Variants in PBRM1 observed in about 807,000 individuals in gnomAD.
PBRM1 encodes protein polybromo-1.
In PBRM1, 27 loss-of-function variants were observed where a neutral mutation model predicts 194.5. That is an observed-to-expected ratio of 0.14 (90% CI 0.10 to 0.19). PBRM1 has a LOEUF of 0.19. Among genes scored for constraint, PBRM1 ranks in the 10% least tolerant of loss-of-function variants. The pLI is 1.00. For synonymous variants in PBRM1, 655 were observed against 693.2 expected (o/e 0.94, Z 0.87); for missense variants, 1,466 against 2,077.2 (o/e 0.71, Z 5.72).
At chr3:52,602,257 G>T (rs1024376091) in intron 17 of PBRM1, among the ~76,000 whole-genome samples, 6 of 151,950 alleles carry the variant, frequency 3.9e-5, no homozygotes, top group Non-Finnish European at 7.4e-5. Flanking sequence ...TCTCTCCTCT[G>T]GAGCTCCCAC....
At chr3:52,553,700 C>A (rs1178754669) in intron 27 of PBRM1, among the ~76,000 whole-genome samples, 18 of 139,136 alleles carry the variant, frequency 1.3e-4, no homozygotes, top group Non-Finnish European at 2.1e-4. Context: ...GTCTTGCTGT[C>A]GCCCAGGCTG....
At chr3:52,565,326 T>G (rs1292526750) in intron 22 of PBRM1, among the ~76,000 whole-genome samples, 2 of 151,450 alleles carry the variant, frequency 1.3e-5, no homozygotes, top group African/African-American at 4.9e-5. Context: ...GCCAACATGG[T>G]GAAACCTCGT....
At chr3:52,679,623 C>T (rs2154066325) in exon 1 of PBRM1, 1 of 1,614,048 alleles carries the variant, frequency 6.2e-7, no homozygotes, top group Non-Finnish European at 8.5e-7. Context: ...CCTGCTTGGG[C>T]CTGGTGTTGA....
At chr3:52,578,587 A>G (rs1417729475) in intron 21 of PBRM1, among the ~76,000 whole-genome samples, 2 of 152,210 alleles carry the variant, frequency 1.3e-5, no homozygotes, top group Non-Finnish European at 2.9e-5. Flanking sequence ...TGTTCATCAA[A>G]TATCTGAGGC....
intron 13 of PBRM1, among the ~76,000 whole-genome samples, chr3:52,623,502 T>C (rs893156338): frequency 1.3e-5 from 2 of 152,202 alleles, no homozygotes; most frequent in East Asian, 1.9e-4. Context: ...TAAAACCTTT[T>C]CATTCATCTT....
chr3:52,626,747 C>T (rs1435489518), intron 13 of PBRM1, among the ~76,000 whole-genome samples: 1 of 151,920 alleles, frequency 6.6e-6, no homozygotes, highest in African/African-American at 2.4e-5. Context: ...AAAAAAACCC[C>T]AAAAATCTAG....
chr3:52,572,841 C>CA (rs34140775), intron 22 of PBRM1, among the ~76,000 whole-genome samples: 63,212 of 152,030 alleles, frequency 0.42, 13,385 homozygotes, highest in Admixed American at 0.5. Context: ...CAAAAAAGTG[C>CA]AAAATATGAT....
intron 22 of PBRM1, among the ~76,000 whole-genome samples, chr3:52,569,213 AT>A (rs59228928): frequency 7.4e-3 from 1,002 of 136,078 alleles, no homozygotes; most frequent in East Asian, 0.016. Context: ...TTTCAATATG[AT>A]TTTTTTTTTT....
Position 52,617,489 on chromosome 3 carries a change from G to C in PBRM1, c.1591C>G (p.Leu531Val), listed in dbSNP as rs931547681. The C allele has an allele frequency of 2.5e-6, 4 of 1,612,686 alleles. No individual in the cohort carries two copies. The African/African-American group carries it at 5.3e-5, about 22-fold the overall frequency. ...CCTGAACCTGGCTCTCGAGCTTCAA[G>C]AACAACATTGAATAAGATTTTCATT... The change falls in exon 14 of 30, where the codon CTT becomes GTT. Residue 531 changes from leucine to valine, a missense_variant. Transcript: ENST00000296302.
intron 10 of PBRM1, among the ~76,000 whole-genome samples, chr3:52,637,976 T>C (rs1971811): frequency 0.04 from 6,013 of 151,760 alleles, 401 homozygotes; most frequent in African/African-American, 0.14. Flanking sequence ...AAAAAGGAGA[T>C]ACTTTATATC....
At chr3:52,684,907 T>C (rs1052765029) in intron 1 of PBRM1, 2 of 152,234 alleles carry the variant, frequency 1.3e-5, no homozygotes, top group Non-Finnish European at 2.9e-5. Flanking sequence ...AAATCAAATA[T>C]GGGCGACCTG....
chr3:52,564,262 AG>A (rs1200558099), intron 22 of PBRM1, 29 bp from the exon 25 acceptor site: 1 of 1,523,646 alleles, frequency 6.6e-7, no homozygotes, highest in East Asian at 2.2e-5. Flanking sequence ...AAGAAATTAA[AG>A]GAGTAAACTG....
chr3:52,662,731 CAGG>C (rs1260100247), intron 3 of PBRM1, among the ~76,000 whole-genome samples: 1 of 150,728 alleles, frequency 6.6e-6, no homozygotes, highest in Non-Finnish European at 1.5e-5. Context: ...GAGGCTGAGG[CAGG>C]AGAATCACTT....
chr3:52,610,032 A>C, intron 15 of PBRM1, 77 bp from the exon 18 acceptor site: 1 of 850,662 alleles, frequency 1.2e-6, no homozygotes, highest in Non-Finnish European at 1.7e-6. Flanking sequence ...CATAACCACA[A>C]GGGACGATTC....
intron 26 of PBRM1, among the ~76,000 whole-genome samples, chr3:52,556,681 A>G (rs571593986): frequency 1.3e-5 from 2 of 152,362 alleles, no homozygotes; most frequent in African/African-American, 4.8e-5. Context: ...AACAAGGCTA[A>G]TAAGTAAGAC....
chr3:52,679,223 C>T (rs761842851), intron 1 of PBRM1, among the ~76,000 whole-genome samples: 10 of 152,142 alleles, frequency 6.6e-5, no homozygotes, highest in South Asian at 2.1e-4. Flanking sequence ...ATTCTTTATT[C>T]GTTTACTTGT....
chr3:52,585,923 G>A (rs1166373037), intron 20 of PBRM1: 1 of 151,618 alleles, frequency 6.6e-6, no homozygotes, highest in Non-Finnish European at 1.5e-5. Flanking sequence ...TTAGCTCTTA[G>A]ATTTACTTTA....
chr3:52,561,986 C>T lies in PBRM1; in HGVS notation c.4087-18G>A. Reference sequence around the variant, plus strand: ...GGGGTAGACTGTAAGACAGAAAGGTCTTATGGTGCATCAAAACATTACATT... The same window carrying T: ...GGGGTAGACTGTAAGACAGAAAGGTTTTATGGTGCATCAAAACATTACATT... On this transcript the variant is annotated intron_variant, in intron 24 of 29. Coordinates refer to ENST00000296302, the Ensembl canonical transcript of PBRM1. 2 of 1,591,438 alleles carry T rather than the reference C, an allele frequency of 1.3e-6. No individual in the cohort carries two copies. The highest frequency in any genetic ancestry group is 1.7e-6 in the Non-Finnish European group (2 of 1,159,494).
chr3:52,595,239 G>A (rs1374795305), intron 17 of PBRM1, among the ~76,000 whole-genome samples: 1 of 151,974 alleles, frequency 6.6e-6, no homozygotes, highest in Non-Finnish European at 1.5e-5. Context: ...GACCTTGGGT[G>A]TTTGATTGTG....
Sources: allele counts gnomAD v4.1 joint callset (sites outside exome capture counted in the v4.1 genomes callset), GRCh38; gene constraint gnomAD v4.1.1; transcripts MANE v1.5; gene names NCBI Gene and HGNC (gene_info 2026-07-23, HGNC 2026-07-21).